The following RGS6 variants were observed in gnomAD, a reference collection of about 807,000 sequenced individuals.
The protein encoded by RGS6 is regulator of G protein signaling 6.
Under a neutral mutation model 78.5 loss-of-function variants are expected in RGS6, and 30 were observed. That is an observed-to-expected ratio of 0.38 (90% CI 0.29 to 0.52). RGS6 has a LOEUF of 0.52. Among genes scored for constraint, RGS6 ranks in the 20% least tolerant of loss-of-function variants. RGS6 has a pLI of 0.85. For synonymous variants in RGS6, 206 were observed against 206.0 expected, an observed-to-expected ratio of 1.00 and a Z score of 0.00; for missense variants, 495 against 609.7, an observed-to-expected ratio of 0.81 and a Z score of 1.98.
At chr14:72,381,498 C>T (rs1441602404) in intron 3 of RGS6, among the ~76,000 whole-genome samples, 2 of 152,008 alleles carry the variant, frequency 1.3e-5, no homozygotes, top group Admixed American at 6.6e-5. Flanking sequence ...CGACTGACAG[C>T]TAACTTCTAT....
At chr14:71,962,924 C>T (rs764189891) in intron 1 of RGS6, among the ~76,000 whole-genome samples, 51 of 152,200 alleles carry the variant, frequency 3.4e-4, no homozygotes, top group Non-Finnish European at 6.5e-4. Flanking sequence ...TTTTCTGTCA[C>T]GTATGGTATT....
At chr14:72,016,501 G>T (rs1426623325) in intron 2 of RGS6, among the ~76,000 whole-genome samples, 6 of 152,156 alleles carry the variant, frequency 3.9e-5, no homozygotes, top group Admixed American at 3.9e-4. Flanking sequence ...GAGTAGCTGG[G>T]ACTACAGGTG....
chr14:72,106,744 G>A (rs1208740678), intron 2 of RGS6, among the ~76,000 whole-genome samples: 1 of 152,130 alleles, frequency 6.6e-6, no homozygotes, highest in Non-Finnish European at 1.5e-5. Context: ...CAGTGTATCT[G>A]ATGAAGAACT....
At chr14:72,270,576 T>C (rs2059789219) in intron 2 of RGS6, among the ~76,000 whole-genome samples, 1 of 152,228 alleles carries the variant, frequency 6.6e-6, no homozygotes, top group Non-Finnish European at 1.5e-5. Flanking sequence ...GTTGCAAATC[T>C]TGTGCCAGGC....
chr14:72,595,510 G>A, the RGS6 span, among the ~76,000 whole-genome samples: 1 of 151,800 alleles, frequency 6.6e-6, no homozygotes, highest in Non-Finnish European at 1.5e-5. Context: ...GGAATACAAT[G>A]CCAAACCTTT....
In RGS6 at chr14:72,454,498, T is replaced by C. The variant is rs777184626; in HGVS notation, c.185-30T>C. On this transcript the variant is annotated intron_variant, in intron 3 of 17. Coordinates refer to ENST00000553525, the MANE Select transcript of RGS6 (RefSeq NM_001204424.2). ...GCCACAGTGTTAAACACCCAGGAGG[T>C]CTTCAGCTGAAATTGCTTTATCGTT... 3.7e-6 allele frequency: 6 copies of C among 1,610,714 alleles called. No individual in the cohort carries two copies. The African/African-American group carries it at 8.0e-5, about 22-fold the overall frequency.
intron 2 of RGS6, among the ~76,000 whole-genome samples, chr14:72,083,253 C>G (rs572897236): frequency 6.6e-6 from 1 of 152,074 alleles, no homozygotes; most frequent in Non-Finnish European, 1.5e-5. Flanking sequence ...CATAGATCAA[C>G]GGTTCCCAAC....
chr14:72,153,799 CAG>C (rs1478723302), intron 2 of RGS6, among the ~76,000 whole-genome samples: 2 of 152,094 alleles, frequency 1.3e-5, no homozygotes, highest in African/African-American at 4.8e-5. Flanking sequence ...TCTGGGGAAA[CAG>C]AACAAAGGGC....
At chr14:72,522,128 C>T (rs190048237) in intron 15 of RGS6, among the ~76,000 whole-genome samples, 3 of 152,260 alleles carry the variant, frequency 2.0e-5, no homozygotes, top group African/African-American at 7.2e-5. Context: ...TCACAGTTCT[C>T]GAGACTGACA....
At chr14:72,291,278 G>A (rs1567677256) in intron 2 of RGS6, among the ~76,000 whole-genome samples, 1 of 151,726 alleles carries the variant, frequency 6.6e-6, no homozygotes, top group East Asian at 1.9e-4. Flanking sequence ...CAAATACCCA[G>A]CATCCCCATG....
intron 2 of RGS6, among the ~76,000 whole-genome samples, chr14:72,086,871 T>G (rs978284691): frequency 1.3e-4 from 20 of 152,188 alleles, no homozygotes; most frequent in Admixed American, 1.2e-3. Context: ...AAAGCGAGTT[T>G]TCCTCTTGAT....
At chr14:71,987,954 C>T (rs113495620) in intron 2 of RGS6, among the ~76,000 whole-genome samples, 5 of 152,132 alleles carry the variant, frequency 3.3e-5, no homozygotes, top group Admixed American at 6.5e-5. Context: ...GCTGGCATAT[C>T]GCACTTCCCT....
chr14:72,543,481 G>A (rs369733682), intron 17 of RGS6, among the ~76,000 whole-genome samples: 20 of 152,180 alleles, frequency 1.3e-4, no homozygotes, highest in African/African-American at 4.8e-4. Context: ...TTTCACAGTG[G>A]CTGTAACATA....
chr14:72,383,739 C>A (rs1028756885), intron 3 of RGS6, among the ~76,000 whole-genome samples: 1 of 152,016 alleles, frequency 6.6e-6, no homozygotes, highest in Non-Finnish European at 1.5e-5. Context: ...CATTTATCCT[C>A]TACTGGTGAA....
the RGS6 span, among the ~76,000 whole-genome samples, chr14:71,891,322 G>A: frequency 6.6e-6 from 1 of 152,134 alleles, no homozygotes; most frequent in African/African-American, 2.4e-5. Flanking sequence ...CGGGAGCTAC[G>A]GTCATCTGAA....
At chr14:72,615,169 G>A in the RGS6 span, among the ~76,000 whole-genome samples, 6 of 152,118 alleles carry the variant, frequency 3.9e-5, no homozygotes, top group Non-Finnish European at 8.8e-5. Context: ...GCACTTCCAC[G>A]ACAGGCTAAA....
intron 2 of RGS6, among the ~76,000 whole-genome samples, chr14:72,300,116 C>G (rs1251451794): frequency 6.6e-6 from 1 of 152,036 alleles, no homozygotes; most frequent in Non-Finnish European, 1.5e-5. Flanking sequence ...TATGATCTAT[C>G]CTAGTCAACA....
the RGS6 span, among the ~76,000 whole-genome samples, chr14:72,584,273 C>T: frequency 6.6e-6 from 1 of 152,200 alleles, no homozygotes; most frequent in Non-Finnish European, 1.5e-5. Context: ...CCAGGCATCA[C>T]TCTGGGAGCT....
downstream of RGS6, among the ~76,000 whole-genome samples, chr14:72,568,990 C>T (rs1003496515): frequency 1.3e-5 from 2 of 152,100 alleles, no homozygotes; most frequent in Admixed American, 6.5e-5. Context: ...GATCAGGGAG[C>T]GGACGTTTAA....
Sources: allele counts gnomAD v4.1 joint callset (sites outside exome capture counted in the v4.1 genomes callset), GRCh38; gene constraint gnomAD v4.1.1; transcripts MANE v1.5; gene names NCBI Gene and HGNC (gene_info 2026-07-23, HGNC 2026-07-21).